CADPS: variants seen among roughly 807,000 people sequenced by gnomAD.
CADPS encodes the protein calcium dependent secretion activator.
Under a neutral mutation model 167.3 loss-of-function variants are expected in CADPS, and 57 were observed. That is an observed-to-expected ratio of 0.34 (90% CI 0.28 to 0.42). The LOEUF is 0.42. Among genes scored for constraint, CADPS ranks in the 20% least tolerant of loss-of-function variants. The pLI, the probability that CADPS is intolerant of heterozygous loss-of-function variation, is 1.00. For missense variants in CADPS, 1,414 were observed against 1,738.1 expected (o/e 0.81, Z 3.32); for synonymous variants, 676 against 635.3 (o/e 1.06, Z -0.96).
chr3:62,640,438 G>T (rs1199988936), intron 6 of CADPS, among the ~76,000 whole-genome samples: 1 of 152,088 alleles, frequency 6.6e-6, no homozygotes, highest in East Asian at 1.9e-4. Flanking sequence ...TCTACCATTA[G>T]GATGAGTAAT....
intron 6 of CADPS, among the ~76,000 whole-genome samples, chr3:62,637,253 C>T (rs760023018): frequency 1.3e-5 from 2 of 152,094 alleles, no homozygotes; most frequent in Non-Finnish European, 2.9e-5. Flanking sequence ...TCAAGGTTAC[C>T]CAGCTGGTGA....
chr3:62,527,929 G>C (rs1254812806), intron 13 of CADPS, among the ~76,000 whole-genome samples: 1 of 152,126 alleles, frequency 6.6e-6, no homozygotes, highest in African/African-American at 2.4e-5. Context: ...GGTCATGCTG[G>C]TGAAAGGTTT....
intron 28 of CADPS, among the ~76,000 whole-genome samples, chr3:62,429,147 G>A (rs1177772730): frequency 7.9e-5 from 12 of 152,140 alleles, no homozygotes; most frequent in Admixed American, 7.2e-4. Flanking sequence ...GTGTGTACAC[G>A]CACACTGGGT....
intron 3 of CADPS, among the ~76,000 whole-genome samples, chr3:62,662,980 A>G (rs2073631821): frequency 6.6e-6 from 1 of 152,186 alleles, no homozygotes; most frequent in African/African-American, 2.4e-5. Context: ...AACTATTTGG[A>G]TATAAAGATC....
chr3:62,545,177 T>C (rs918481492), intron 11 of CADPS, among the ~76,000 whole-genome samples: 1 of 151,880 alleles, frequency 6.6e-6, no homozygotes, highest in Non-Finnish European at 1.5e-5. Context: ...AAATGACTCA[T>C]TGCAAGTGAT....
At position 62,426,086 on chromosome 3, in the gene CADPS, G is replaced by A. The variant is rs982687663; in HGVS notation, c.3777+12018C>T. Reference sequence around the variant, plus strand: ...GATCCCTGTTGGTGTGGAATGTATCGCTACTTTTCTCTCCGCTGCAAAGCC... The same window carrying A: ...GATCCCTGTTGGTGTGGAATGTATCACTACTTTTCTCTCCGCTGCAAAGCC... On this transcript the variant is annotated intron_variant, in intron 28 of 29. Transcript: ENST00000383710. Among the ~76,000 whole-genome samples, 3 of 152,156 alleles carry A rather than the reference G, an allele frequency of 2.0e-5. No individual in the cohort carries two copies. In the South Asian group the frequency reaches 6.2e-4, roughly 32 times the overall value.
At chr3:62,561,741 C>G (rs999190691) in intron 9 of CADPS, among the ~76,000 whole-genome samples, 3 of 152,176 alleles carry the variant, frequency 2.0e-5, no homozygotes, top group Admixed American at 2.0e-4. Context: ...CCCTTCTTAT[C>G]ACCTATGGGA....
chr3:62,517,103 C>T (rs551374445), intron 14 of CADPS, among the ~76,000 whole-genome samples: 1 of 152,266 alleles, frequency 6.6e-6, no homozygotes, highest in South Asian at 2.1e-4. Context: ...CTATCCTTCC[C>T]TGCTTGCGGT....
chr3:62,399,571 A>G lies in CADPS; in HGVS notation c.3897T>C (p.Asp1299=), dbSNP rs748974630. ...LIRMVKKTYR[D]FRLQGVLDST... ...AGTCCAGGACCCCTTGCAATCGGAA[A>G]TCTCTGTAGGTTTTCTAAGGAAGGA... The change falls in exon 30 of 30, where the codon GAT becomes GAC. Residue 1299 remains aspartate, a synonymous_variant. Transcript: ENST00000383710. The surrounding 1 kb of genome is among the most constrained non-coding windows in gnomAD (Gnocchi z 5.6). 76 of 1,613,870 alleles carry G rather than the reference A, an allele frequency of 4.7e-5. No individual in the cohort carries two copies. Among genetic ancestry groups the G allele is most frequent in the Middle Eastern group, 1.6e-4 (1 of 6,082 alleles).
intron 3 of CADPS, among the ~76,000 whole-genome samples, chr3:62,721,427 TA>T (rs2075810649): frequency 6.6e-6 from 1 of 152,082 alleles, no homozygotes; most frequent in African/African-American, 2.4e-5. Context: ...CAGACAACAG[TA>T]GGAAAGTTGG....
At chr3:62,868,089 AATC>A (rs2082031386) in intron 1 of CADPS, among the ~76,000 whole-genome samples, 1 of 152,146 alleles carries the variant, frequency 6.6e-6, no homozygotes, top group African/African-American at 2.4e-5. Flanking sequence ...TAAAAACAGA[AATC>A]ATATCACATG....
At chr3:62,684,351 G>T (rs1270725168) in intron 3 of CADPS, among the ~76,000 whole-genome samples, 2 of 151,934 alleles carry the variant, frequency 1.3e-5, no homozygotes, top group Non-Finnish European at 2.9e-5. Context: ...GGGATTTTTT[G>T]GAGCACTTTT....
At chr3:62,509,812 T>C (rs1320251695) in intron 17 of CADPS, among the ~76,000 whole-genome samples, 1 of 152,192 alleles carries the variant, frequency 6.6e-6, no homozygotes, top group Non-Finnish European at 1.5e-5. Context: ...ATCCACTGAA[T>C]GAATGGATAT....
At chr3:62,546,157 C>T (rs1159020203) in intron 11 of CADPS, among the ~76,000 whole-genome samples, 1 of 149,408 alleles carries the variant, frequency 6.7e-6, no homozygotes, top group Non-Finnish European at 1.5e-5. Flanking sequence ...TTTTTGTTAG[C>T]TAGAGAATCT....
chr3:62,434,157 T>C (rs1012369974), intron 28 of CADPS, among the ~76,000 whole-genome samples: 1 of 152,246 alleles, frequency 6.6e-6, no homozygotes, highest in East Asian at 1.9e-4. Context: ...TTTGTGTATA[T>C]TGGAATATTC....
chr3:62,530,664 C>T (rs1382398861), intron 13 of CADPS: 1 of 1,287,484 alleles, frequency 7.8e-7, no homozygotes, highest in South Asian at 1.2e-5. Flanking sequence ...CTTTTCAGCT[C>T]TTGATTTGCC....
At chr3:62,821,579 G>A (rs2094922035) in intron 1 of CADPS, among the ~76,000 whole-genome samples, 1 of 151,966 alleles carries the variant, frequency 6.6e-6, no homozygotes, top group African/African-American at 2.4e-5. Flanking sequence ...TCTTTACATG[G>A]CATTCTTCCT....
Position 62,733,306 on chromosome 3 carries a change from G to T in CADPS, c.888+20135C>A, listed in dbSNP as rs1337232295. Among the ~76,000 whole-genome samples, 6 of 152,300 alleles carry T rather than the reference G, an allele frequency of 3.9e-5. 1 individual carries two copies. The South Asian group carries it at 1.2e-3, about 32-fold the overall frequency. On this transcript the variant is annotated intron_variant, in intron 3 of 29. Coordinates refer to ENST00000383710, the MANE Select transcript of CADPS (RefSeq NM_003716.4). The stretch of plus-strand genomic sequence containing the variant: ...TTAGTTACATAGAAATGTAATGAAG[G>T]CAAAGATGCCAGAAGAGCGTCTATG...
At chr3:62,530,561 A>C (rs1036773090) in intron 13 of CADPS, 3 of 821,806 alleles carry the variant, frequency 3.7e-6, no homozygotes, top group African/African-American at 3.7e-5. Context: ...GAATACTCAA[A>C]GCTTGCAAAA....
Sources: allele counts gnomAD v4.1 joint callset (sites outside exome capture counted in the v4.1 genomes callset), GRCh38; gene constraint gnomAD v4.1.1; non-coding constraint Gnocchi (gnomAD v3.1); transcripts MANE v1.5; gene names NCBI Gene and HGNC (gene_info 2026-07-23, HGNC 2026-07-21).